Variants in RBFOX1 observed in about 807,000 individuals in gnomAD.
RBFOX1 encodes RNA binding protein fox-1 homolog 1.
In RBFOX1, 8 loss-of-function variants were observed where a neutral mutation model predicts 57.7. The observed-to-expected ratio is 0.14, with a 90% confidence interval of 0.08 to 0.25. The LOEUF is 0.25. Ranked by LOEUF, RBFOX1 falls within the 10% of genes least tolerant of loss-of-function variation. The pLI is 1.00. For missense variants in RBFOX1, 611 were observed against 548.5 expected (o/e 1.11, Z -1.14); for synonymous variants, 326 against 222.4 (o/e 1.47, Z -4.15).
intron 2 of RBFOX1, among the ~76,000 whole-genome samples, chr16:5,564,035 A>C (rs969160132): frequency 7.9e-5 from 12 of 152,092 alleles, no homozygotes; most frequent in African/African-American, 2.9e-4. Flanking sequence ...TTATTTTTAG[A>C]CTGAGTCTTG....
At chr16:5,999,100 T>C (rs939982378) in intron 4 of RBFOX1, among the ~76,000 whole-genome samples, 1 of 152,180 alleles carries the variant, frequency 6.6e-6, no homozygotes, top group African/African-American at 2.4e-5. Flanking sequence ...AGAAGGAGGC[T>C]CAGGAGTCAT....
chr16:6,859,184 T>C lies in RBFOX1; in HGVS notation c.-15-192873T>C, dbSNP rs867681375. 6.7e-3 allele frequency among the ~76,000 whole-genome samples: 326 copies of C among 48,594 alleles called. 2 individuals carry two copies. Among genetic ancestry groups the C allele is most frequent in the African/African-American group, 0.014 (175 of 12,338 alleles). The allele number at this position is 48,594 out of a possible 152,430, so 31.9% of individuals were successfully genotyped here. A position where few individuals can be genotyped will look rare whatever the true frequency, so the allele number is the denominator to read the frequency against. On this transcript the variant is annotated intron_variant, in intron 3 of 15. Coordinates refer to ENST00000550418, the MANE Select transcript of RBFOX1 (RefSeq NM_018723.4). ...ATATACGTATATATATGTATATATA[T>C]GTATATATATATGTATATATATATA...
At chr16:6,879,997 G>C (rs1052758379) in intron 3 of RBFOX1, among the ~76,000 whole-genome samples, 1 of 152,044 alleles carries the variant, frequency 6.6e-6, no homozygotes, top group Non-Finnish European at 1.5e-5. Context: ...TTCTGAAATA[G>C]TCTTAATCTT....
At chr16:5,656,999 A>G (rs1041743746) in intron 3 of RBFOX1, among the ~76,000 whole-genome samples, 1 of 152,160 alleles carries the variant, frequency 6.6e-6, no homozygotes, top group South Asian at 2.1e-4. Flanking sequence ...CTTAAAACCT[A>G]GATGATGGGT....
At chr16:5,938,991 G>C (rs1057470075) in intron 4 of RBFOX1, among the ~76,000 whole-genome samples, 1 of 152,088 alleles carries the variant, frequency 6.6e-6, no homozygotes, top group Non-Finnish European at 1.5e-5. Context: ...ACTATCGCAA[G>C]GACAAAAAGC....
intron 4 of RBFOX1, among the ~76,000 whole-genome samples, chr16:7,459,733 C>G (rs906845067): frequency 1.3e-5 from 2 of 152,172 alleles, no homozygotes; most frequent in Non-Finnish European, 2.9e-5. Context: ...ACCAGAAAAT[C>G]TTTCCCAGAT....
chr16:6,594,617 C>T (rs776705773), intron 2 of RBFOX1, among the ~76,000 whole-genome samples: 6 of 152,096 alleles, frequency 3.9e-5, no homozygotes, highest in Non-Finnish European at 7.3e-5. Context: ...ATTTAAACTA[C>T]TTGGGCTAGG....
At chr16:7,391,139 A>T (rs957870404) in intron 4 of RBFOX1, among the ~76,000 whole-genome samples, 1 of 152,160 alleles carries the variant, frequency 6.6e-6, no homozygotes, top group Non-Finnish European at 1.5e-5. Context: ...ATCCACTGGA[A>T]GGTTTTAGAT....
intron 3 of RBFOX1, among the ~76,000 whole-genome samples, chr16:6,892,536 G>C (rs1221430782): frequency 6.6e-6 from 1 of 152,082 alleles, no homozygotes; most frequent in Non-Finnish European, 1.5e-5. Context: ...TGCGCATGGT[G>C]GCACACACCT....
chr16:7,483,152 G>C (rs1351854823), intron 4 of RBFOX1, among the ~76,000 whole-genome samples: 2 of 152,130 alleles, frequency 1.3e-5, no homozygotes, highest in Admixed American at 1.3e-4. Context: ...TGCTGGAATT[G>C]GGATCGCAGA....
At chr16:7,296,130 G>T (rs1387743542) in intron 4 of RBFOX1, among the ~76,000 whole-genome samples, 1 of 151,608 alleles carries the variant, frequency 6.6e-6, no homozygotes, top group Non-Finnish European at 1.5e-5. Flanking sequence ...CAGACTCATT[G>T]GATTCTGTAA....
intron 3 of RBFOX1, among the ~76,000 whole-genome samples, chr16:5,687,358 C>T (rs1437444830): frequency 6.6e-6 from 1 of 151,974 alleles, no homozygotes; most frequent in Non-Finnish European, 1.5e-5. Flanking sequence ...CCACTCCCTC[C>T]CCACCAATTA....
chr16:7,211,565 A>G (rs942592364), intron 4 of RBFOX1, among the ~76,000 whole-genome samples: 12 of 152,168 alleles, frequency 7.9e-5, no homozygotes, highest in African/African-American at 2.9e-4. Context: ...CAAACAAAAA[A>G]GGCCTTGAGT....
chr16:6,861,022 A>G (rs2058896293), intron 3 of RBFOX1, among the ~76,000 whole-genome samples: 1 of 152,146 alleles, frequency 6.6e-6, no homozygotes, highest in African/African-American at 2.4e-5. Context: ...TATGCCCACC[A>G]CTGTTAGGGA....
chr16:6,758,527 A>T (rs760261426), intron 3 of RBFOX1, among the ~76,000 whole-genome samples: 1 of 152,076 alleles, frequency 6.6e-6, no homozygotes, highest in Non-Finnish European at 1.5e-5. Flanking sequence ...CATTAGAGCA[A>T]TTTAAATATC....
chr16:5,292,784 C>T (rs533059847), intron 1 of RBFOX1, among the ~76,000 whole-genome samples: 14 of 151,978 alleles, frequency 9.2e-5, no homozygotes, highest in Non-Finnish European at 1.5e-4. Flanking sequence ...TCACCACGCC[C>T]GGCTAATTTT....
intron 1 of RBFOX1, among the ~76,000 whole-genome samples, chr16:6,171,237 A>C (rs2096958000): frequency 1.3e-5 from 2 of 152,224 alleles, no homozygotes; most frequent in Admixed American, 1.3e-4. Flanking sequence ...ATGATTCTAC[A>C]TATTTTGTAA....
intron 1 of RBFOX1, among the ~76,000 whole-genome samples, chr16:6,210,978 C>T (rs191573848): frequency 4.6e-5 from 7 of 152,036 alleles, no homozygotes; most frequent in Non-Finnish European, 8.8e-5. Context: ...AGAAACTGAA[C>T]GTTACAGGAT....
chr16:7,639,829 A>G (rs935374526), intron 11 of RBFOX1, among the ~76,000 whole-genome samples: 4 of 152,068 alleles, frequency 2.6e-5, no homozygotes, highest in African/African-American at 7.2e-5. Flanking sequence ...GTGTTTTCAG[A>G]CACCTACTAG....
Sources: gnomAD v4.1 joint callset for allele counts (sites outside exome capture counted in the v4.1 genomes callset) on GRCh38, gnomAD v4.1.1 for gene constraint, MANE v1.5 for transcripts, NCBI Gene and HGNC (gene_info 2026-07-23, HGNC 2026-07-21) for gene names.